The following MTCL3 variants were observed in gnomAD, a reference collection of about 807,000 sequenced individuals.
The protein encoded by MTCL3 is microtubule cross-linking factor 3.
At chr6:127,489,122 C>T in the MTCL3 span, among the ~76,000 whole-genome samples, 1 of 152,176 alleles carries the variant, frequency 6.6e-6, no homozygotes, top group South Asian at 2.1e-4. Flanking sequence ...TGGTAATTCT[C>T]CCATTATCTC....
At chr6:127,514,799 C>G in the MTCL3 span, 3 of 1,595,892 alleles carry the variant, frequency 1.9e-6, no homozygotes. Context: ...CTGCCGCGCG[C>G]CATTGAGCCC....
chr6:127,477,142 T>C, the MTCL3 span, among the ~76,000 whole-genome samples: 1 of 152,182 alleles, frequency 6.6e-6, no homozygotes, highest in African/African-American at 2.4e-5. Context: ...GGCCTGTAAG[T>C]CAGCAAAGTT....
At chr6:127,496,477 G>A in the MTCL3 span, among the ~76,000 whole-genome samples, 1 of 152,112 alleles carries the variant, frequency 6.6e-6, no homozygotes, top group Admixed American at 6.5e-5. Context: ...TGAAACAGAA[G>A]GATTTGACAT....
At chr6:127,508,973 G>A in the MTCL3 span, among the ~76,000 whole-genome samples, 6 of 152,124 alleles carry the variant, frequency 3.9e-5, no homozygotes, top group Non-Finnish European at 7.3e-5. Context: ...TGTGTATGAC[G>A]TTCAAAGAGC....
the MTCL3 span, among the ~76,000 whole-genome samples, chr6:127,487,298 C>T: frequency 4.6e-5 from 7 of 152,110 alleles, no homozygotes; most frequent in Non-Finnish European, 7.4e-5. Flanking sequence ...GGTAACAGAG[C>T]GTGACAGCAA....
the MTCL3 span, among the ~76,000 whole-genome samples, chr6:127,488,643 AC>A: frequency 6.6e-6 from 1 of 152,184 alleles, no homozygotes; most frequent in African/African-American, 2.4e-5. Flanking sequence ...TTAAAAGTAG[AC>A]CTTTAAAAAG....
the MTCL3 span, among the ~76,000 whole-genome samples, chr6:127,499,119 G>A: frequency 2.6e-5 from 4 of 152,004 alleles, no homozygotes; most frequent in Non-Finnish European, 5.9e-5. Context: ...TAAAAAGTCA[G>A]CTAAAAAAAG....
the MTCL3 span, chr6:127,514,845 C>T: frequency 6.2e-7 from 1 of 1,612,998 alleles, no homozygotes; most frequent in Non-Finnish European, 8.5e-7. Flanking sequence ...CTCCAGGCTG[C>T]GCAACAGCTC....
chr6:127,500,009 G>A, the MTCL3 span, among the ~76,000 whole-genome samples: 2,069 of 152,128 alleles, frequency 0.014, 64 homozygotes, highest in African/African-American at 0.048. Flanking sequence ...TTCATTTCTC[G>A]GGGTGGTGAT....
At chr6:127,482,661 C>T in the MTCL3 span, among the ~76,000 whole-genome samples, 68 of 152,172 alleles carry the variant, frequency 4.5e-4, 1 homozygote, top group East Asian at 0.012. This position sits in a 1 kb window ranked among gnomAD's most constrained non-coding sequence, Gnocchi z 4.1. Context: ...AATATAGCAG[C>T]GTATAAAATA....
the MTCL3 span, chr6:127,481,506 G>A: frequency 3.8e-5 from 37 of 980,940 alleles, no homozygotes; most frequent in Non-Finnish European, 4.5e-5. Flanking sequence ...GAACAGAGCA[G>A]GTACAGAGAG....
chr6:127,476,256 C>T, the MTCL3 span: 1 of 1,614,184 alleles, frequency 6.2e-7, no homozygotes, highest in South Asian at 1.1e-5. The surrounding 1 kb of genome is among the most constrained non-coding windows in gnomAD (Gnocchi z 4.4). Context: ...CCAGCCTTAG[C>T]CGTAGCTTGA....
At chr6:127,473,389 C>A in the MTCL3 span, 1 of 1,528,428 alleles carries the variant, frequency 6.5e-7, no homozygotes, top group African/African-American at 1.4e-5. Context: ...TAGGCTGGAA[C>A]ATCTGGGAAG....
chr6:127,512,721 G>A, the MTCL3 span, among the ~76,000 whole-genome samples: 4 of 152,134 alleles, frequency 2.6e-5, no homozygotes, highest in East Asian at 3.8e-4. Context: ...AGAATCTTTC[G>A]TTGCTACTCA....
At chr6:127,515,249 C>T in the MTCL3 span, among the ~76,000 whole-genome samples, 1 of 152,274 alleles carries the variant, frequency 6.6e-6, no homozygotes, top group East Asian at 1.9e-4. The surrounding 1 kb of genome is among the most constrained non-coding windows in gnomAD (Gnocchi z 4.3). Flanking sequence ...TTCTCTTACT[C>T]TACCTCTCTC....
At chr6:127,490,481 G>T in the MTCL3 span, among the ~76,000 whole-genome samples, 1 of 151,860 alleles carries the variant, frequency 6.6e-6, no homozygotes, top group African/African-American at 2.4e-5. Context: ...AAAGTAAATT[G>T]AAAATCTTCT....
chr6:127,475,361 T>A, the MTCL3 span: 1 of 1,613,382 alleles, frequency 6.2e-7, no homozygotes, highest in Non-Finnish European at 8.5e-7. The surrounding 1 kb of genome is among the most constrained non-coding windows in gnomAD (Gnocchi z 7.3). Flanking sequence ...AGGCGGTCGA[T>A]GAAGGTCTGC....
At chr6:127,503,108 G>C in the MTCL3 span, among the ~76,000 whole-genome samples, 1 of 152,178 alleles carries the variant, frequency 6.6e-6, no homozygotes, top group African/African-American at 2.4e-5. Flanking sequence ...TCCCTAAAGG[G>C]GGTAGGTTAT....
the MTCL3 span, chr6:127,476,463 GTCC>G: frequency 2.5e-6 from 4 of 1,577,278 alleles, no homozygotes; most frequent in Non-Finnish European, 2.6e-6. This position sits in a 1 kb window ranked among gnomAD's most constrained non-coding sequence, Gnocchi z 4.4. Context: ...GATCTTCATT[GTCC>G]TCCTCATTTG....
Sources: allele counts gnomAD v4.1 joint callset (sites outside exome capture counted in the v4.1 genomes callset), GRCh38; gene constraint gnomAD v4.1.1; non-coding constraint Gnocchi (gnomAD v3.1); transcripts MANE v1.5; gene names NCBI Gene and HGNC (gene_info 2026-07-23, HGNC 2026-07-21).